Variants in KIAA1549L observed in about 807,000 individuals in gnomAD.
KIAA1549L encodes KIAA1549 like.
In KIAA1549L, 88 loss-of-function variants were observed where a neutral mutation model predicts 160.7. The ratio of observed to expected loss-of-function variants is 0.55; its 90% CI spans 0.46 to 0.65. The LOEUF (loss-of-function observed/expected upper bound fraction) is 0.65. Among genes scored for constraint, KIAA1549L ranks in the 30% least tolerant of loss-of-function variants. The pLI, the probability that KIAA1549L is intolerant of heterozygous loss-of-function variation, is 0.00. For missense variants in KIAA1549L, 2,258 were observed against 2,437.5 expected (o/e 0.93, Z 1.55); for synonymous variants, 950 against 976.7 (o/e 0.97, Z 0.51).
chr11:33,376,371 G>C lies in KIAA1549L; in HGVS notation c.-281G>C, dbSNP rs1368957334. The C allele has an allele frequency of 3.4e-5, 5 of 147,666 alleles. No individual in the cohort carries two copies. Among genetic ancestry groups the C allele is most frequent in the Non-Finnish European group, 7.5e-5 (5 of 66,480 alleles). The allele number at this position is 147,666 out of a possible 1,614,324, so 9.1% of individuals were successfully genotyped here. The stretch of plus-strand genomic sequence containing the variant: ...GGGCGGCGCCCGTCCCACCCTCGCC[G>C]CCCCAATCGCGCCGGCGCGCGGCGA... On this transcript the variant is annotated 5_prime_UTR_variant, in exon 1 of 21. Transcript: ENST00000658780. The surrounding 1 kb of genome is among the most constrained non-coding windows in gnomAD (Gnocchi z 5.8).
At chr11:33,405,941 A>G (rs1195662136) in intron 1 of KIAA1549L, among the ~76,000 whole-genome samples, 1 of 151,300 alleles carries the variant, frequency 6.6e-6, no homozygotes, top group Non-Finnish European at 1.5e-5. Flanking sequence ...GGAAGGCTCT[A>G]TGTTAATGGG....
intron 1 of KIAA1549L, among the ~76,000 whole-genome samples, chr11:33,475,346 A>C (rs1332952687): frequency 6.6e-6 from 1 of 152,180 alleles, no homozygotes; most frequent in Non-Finnish European, 1.5e-5. Flanking sequence ...TTCTCCGTTT[A>C]ATGGCTCTTA....
At chr11:33,616,982 T>C (rs1850827817) in intron 15 of KIAA1549L, among the ~76,000 whole-genome samples, 3 of 151,902 alleles carry the variant, frequency 2.0e-5, no homozygotes. Flanking sequence ...CTACAAAAAT[T>C]ACAAAAAAAT....
At chr11:33,644,931 C>CA (rs1299554469) in intron 16 of KIAA1549L, among the ~76,000 whole-genome samples, 1 of 152,236 alleles carries the variant, frequency 6.6e-6, no homozygotes. Context: ...AGCAAGCATT[C>CA]ATTAGCAGGC....
intron 11 of KIAA1549L, among the ~76,000 whole-genome samples, chr11:33,586,447 G>A (rs992233574): frequency 6.6e-6 from 1 of 152,184 alleles, no homozygotes; most frequent in African/African-American, 2.4e-5. Flanking sequence ...AAATGCAAGA[G>A]GGCCAGCATC....
intron 18 of KIAA1549L, among the ~76,000 whole-genome samples, chr11:33,658,274 G>A (rs1269924992): frequency 6.6e-6 from 1 of 152,112 alleles, no homozygotes; most frequent in African/African-American, 2.4e-5. Flanking sequence ...CTGCCAGTTA[G>A]GAATAGGGAA....
chr11:33,414,593 A>G (rs1210333444), intron 1 of KIAA1549L, among the ~76,000 whole-genome samples: 1 of 152,192 alleles, frequency 6.6e-6, no homozygotes, highest in Non-Finnish European at 1.5e-5. Flanking sequence ...ATCTTCCGTT[A>G]AGTATATATG....
At chr11:33,629,765 T>C (rs1338837187) in intron 16 of KIAA1549L, among the ~76,000 whole-genome samples, 3 of 150,964 alleles carry the variant, frequency 2.0e-5, no homozygotes, top group Non-Finnish European at 2.9e-5. Context: ...AATTTGATCG[T>C]CTGAAGCCTT....
At chr11:33,645,483 G>C (rs569185459) in intron 16 of KIAA1549L, among the ~76,000 whole-genome samples, 6 of 152,190 alleles carry the variant, frequency 3.9e-5, no homozygotes, top group Admixed American at 3.9e-4. Flanking sequence ...AGTGCACACC[G>C]ATAGCCAGAG....
At position 33,598,838 on chromosome 11, in the gene KIAA1549L, T is replaced by C; in HGVS notation, c.4770T>C (p.Asn1590=). Residue 1590 remains asparagine (N), a synonymous_variant, in exon 13 of 21, where the codon AAT becomes AAC. Coordinates refer to ENST00000658780, the MANE Select transcript of KIAA1549L (RefSeq NM_012194.3). ...CCTCCAGCAGGTCGCCCAGTGAGAA[T>C]GGCTCTGTCATCAGCAACGAATCAG... ...ETRKSRSPSE[N]GSVISNESGK... is the part of the protein sequence containing the mutation. 2 of 1,613,928 alleles carry C rather than the reference T, an allele frequency of 1.2e-6. No individual in the cohort carries two copies. The highest frequency in any genetic ancestry group is 2.2e-5 in the South Asian group (2 of 91,070).
Position 33,614,555 on chromosome 11 carries a change from TATATATATATATATATATATATA to T in KIAA1549L, c.5280-3977_5280-3955del, listed in dbSNP as rs1564924764. On this transcript the variant is annotated intron_variant, in intron 15 of 20. Coordinates refer to ENST00000658780, the MANE Select transcript of KIAA1549L (RefSeq NM_012194.3). ...AGATATATATATATATATATATATA[TATATATATATATATATATATATA>T]TATATATTTTTTTTTTTTTTTTTTT... Among the ~76,000 whole-genome samples the T allele has an allele frequency of 7.1e-4, 10 of 14,034 alleles. 1 individual carries two copies. The highest frequency in any genetic ancestry group is 2.1e-3 in the African/African-American group (4 of 1,886). The allele number at this position is 14,034 out of a possible 152,430, so 9.2% of individuals were successfully genotyped here.
Position 33,623,816 on chromosome 11 carries a change from T to G in KIAA1549L, c.5409+5154T>G, listed in dbSNP as rs1221493894. ...CTGCAGGCCAAGAATTTCCCTCCCC[T>G]ATAGGCAACTTCCCACTGGGCAGGA... On this transcript the variant is annotated intron_variant, in intron 16 of 20. Coordinates refer to ENST00000658780, the MANE Select transcript of KIAA1549L (RefSeq NM_012194.3). Among the ~76,000 whole-genome samples the G allele has an allele frequency of 2.0e-5, 3 of 152,128 alleles. No individual in the cohort carries two copies. In the East Asian group the frequency reaches 5.8e-4, roughly 29 times the overall value.
At chr11:33,638,959 T>C (rs10768013) in intron 16 of KIAA1549L, among the ~76,000 whole-genome samples, 91,647 of 152,036 alleles carry the variant, frequency 0.6, 27,683 homozygotes, top group East Asian at 0.72. Context: ...AATTTCTAAA[T>C]TGAGTTGCTT....
chr11:33,611,007 C>T lies in KIAA1549L; in HGVS notation c.5279+1041C>T, dbSNP rs552230122. On this transcript the variant is annotated intron_variant, in intron 15 of 20. Transcript: ENST00000658780. ...CAAATGTCCCACCTCCTGACACCAC[C>T]ATGACAGGAACCAAATTTCAACATG... 7.9e-5 allele frequency among the ~76,000 whole-genome samples: 12 copies of T among 152,320 alleles called. No homozygotes were observed. The South Asian group carries it at 8.3e-4, about 11-fold the overall frequency.
chr11:33,484,583 T>G (rs777697431), intron 1 of KIAA1549L, among the ~76,000 whole-genome samples: 29 of 152,050 alleles, frequency 1.9e-4, no homozygotes, highest in Non-Finnish European at 3.1e-4. Context: ...CTCCCTAGAG[T>G]CGTTGTGAGA....
intron 6 of KIAA1549L, among the ~76,000 whole-genome samples, chr11:33,553,397 T>C (rs1475972164): frequency 1.3e-5 from 2 of 152,154 alleles, no homozygotes; most frequent in Non-Finnish European, 2.9e-5. Flanking sequence ...TTAACTCTTC[T>C]TTTCAATGTC....
At chr11:33,473,966 T>C (rs1852234410) in intron 1 of KIAA1549L, among the ~76,000 whole-genome samples, 1 of 152,198 alleles carries the variant, frequency 6.6e-6, no homozygotes. Flanking sequence ...CATCTGCTTC[T>C]GGTGAGGGCC....
At chr11:33,509,557 AG>A in intron 1 of KIAA1549L, among the ~76,000 whole-genome samples, 1 of 152,358 alleles carries the variant, frequency 6.6e-6, no homozygotes, top group Non-Finnish European at 1.5e-5. Context: ...AAGTATAAAA[AG>A]GTCAGAAGGA....
intron 17 of KIAA1549L, among the ~76,000 whole-genome samples, chr11:33,647,375 CAAAAAA>C (rs10578169): frequency 0.54 from 62,472 of 114,842 alleles, 14,207 homozygotes; most frequent in East Asian, 0.71. Flanking sequence ...GACTCTGTCT[CAAAAAA>C]AAAAAAAAAA....
Sources: gnomAD v4.1 joint callset for allele counts (sites outside exome capture counted in the v4.1 genomes callset) on GRCh38, gnomAD v4.1.1 for gene constraint, Gnocchi (gnomAD v3.1) non-coding constraint, MANE v1.5 for transcripts, NCBI Gene and HGNC (gene_info 2026-07-23, HGNC 2026-07-21) for gene names.